ASIC2: variants seen among roughly 807,000 people sequenced by gnomAD.
ASIC2 encodes the protein acid sensing ion channel subunit 2, also known as acid-sensing ion channel 2.
ASIC2 carries 25 observed loss-of-function variants against 57.3 expected under a neutral mutation model. The observed-to-expected ratio is 0.44, with a 90% CI of 0.32 to 0.61. ASIC2 has a LOEUF of 0.61. ASIC2 is among the 20% of genes least tolerant of loss of function. The pLI, the probability that ASIC2 is intolerant of heterozygous loss-of-function variation, is 0.06. For synonymous variants in ASIC2, 319 were observed against 307.5 expected (o/e 1.04, Z -0.39); for missense variants, 641 against 738.1 (o/e 0.87, Z 1.52).
intron 1 of ASIC2, among the ~76,000 whole-genome samples, chr17:33,456,051 A>AG (rs1250550759): frequency 6.6e-6 from 1 of 152,190 alleles, no homozygotes; most frequent in African/African-American, 2.4e-5. Context: ...CTTCCGGTCC[A>AG]GGGCTCTCTA....
chr17:33,348,847 A>T (rs1847449655), intron 1 of ASIC2, among the ~76,000 whole-genome samples: 1 of 152,126 alleles, frequency 6.6e-6, no homozygotes, highest in Non-Finnish European at 1.5e-5. Flanking sequence ...CACCTAACCT[A>T]GAGCAGGGAT....
At chr17:34,146,235 AAC>A (rs1483569904) in intron 1 of ASIC2, among the ~76,000 whole-genome samples, 2 of 152,198 alleles carry the variant, frequency 1.3e-5, no homozygotes, top group Admixed American at 6.5e-5. Context: ...TTGAGTTGAA[AAC>A]ACAGATTTTG....
At chr17:33,662,901 A>T (rs1040025011) in intron 1 of ASIC2, among the ~76,000 whole-genome samples, 1 of 152,158 alleles carries the variant, frequency 6.6e-6, no homozygotes, top group Non-Finnish European at 1.5e-5. Context: ...AGAGTTATAA[A>T]GTTAAAGAAA....
At chr17:33,608,626 G>A (rs1905296857) in intron 1 of ASIC2, among the ~76,000 whole-genome samples, 1 of 151,978 alleles carries the variant, frequency 6.6e-6, no homozygotes. Context: ...GGGAACTCTG[G>A]GATTCTGTTT....
intron 1 of ASIC2, among the ~76,000 whole-genome samples, chr17:33,790,103 G>A (rs1187626190): frequency 1.3e-5 from 2 of 152,122 alleles, no homozygotes; most frequent in African/African-American, 2.4e-5. Context: ...TTTCAGCAAC[G>A]TATAATACTA....
chr17:33,609,054 C>T (rs1905309438), intron 1 of ASIC2, among the ~76,000 whole-genome samples: 1 of 152,158 alleles, frequency 6.6e-6, no homozygotes, highest in Non-Finnish European at 1.5e-5. Flanking sequence ...TCACAAATAT[C>T]ATCCTGCCAC....
At chr17:34,013,250 C>T (rs1906835749) in intron 1 of ASIC2, among the ~76,000 whole-genome samples, 1 of 152,108 alleles carries the variant, frequency 6.6e-6, no homozygotes, top group South Asian at 2.1e-4. Flanking sequence ...GATGTTGTCC[C>T]TGGGGTTGGG....
At chr17:34,144,181 G>A (rs1912352283) in intron 1 of ASIC2, among the ~76,000 whole-genome samples, 1 of 152,182 alleles carries the variant, frequency 6.6e-6, no homozygotes, top group Middle Eastern at 3.2e-3. Flanking sequence ...CTTGGCTGTT[G>A]TGAAGACCAA....
intron 6 of ASIC2, 135 bp downstream of exon 6, chr17:33,023,726 G>C (rs1268979987): frequency 1.7e-6 from 2 of 1,192,864 alleles, no homozygotes; most frequent in Non-Finnish European, 2.4e-6. Context: ...CGCAGAGCGT[G>C]ACACACAGAG....
chr17:33,507,727 C>T lies in ASIC2; in HGVS notation c.556-395660G>A, dbSNP rs544689992. On this transcript the variant is annotated intron_variant, in intron 1 of 9. Transcript: ENST00000359872. ...GACTAGCTTGGCTAACGTGGTGAAACCCCATCTCTACTAAAAATACAAAAA... is the reference window on the plus strand; with the variant it reads ...GACTAGCTTGGCTAACGTGGTGAAATCCCATCTCTACTAAAAATACAAAAA... 2.0e-3 allele frequency among the ~76,000 whole-genome samples: 309 copies of T among 152,146 alleles called. 2 individuals are homozygous for T. The highest frequency in any genetic ancestry group is 3.0e-3 in the Admixed American group (46 of 15,276).
intron 1 of ASIC2, among the ~76,000 whole-genome samples, chr17:33,502,305 G>A (rs1914124244): frequency 6.6e-6 from 1 of 152,182 alleles, no homozygotes; most frequent in African/African-American, 2.4e-5. Context: ...GGGACACTAG[G>A]GAGATGTTCC....
At chr17:33,602,989 G>C (rs1162269757) in intron 1 of ASIC2, among the ~76,000 whole-genome samples, 2 of 152,182 alleles carry the variant, frequency 1.3e-5, no homozygotes, top group Admixed American at 6.5e-5. Context: ...CTTATGCAGA[G>C]AGGGAGCTGG....
chr17:33,272,930 C>A (rs1427390938), intron 1 of ASIC2, among the ~76,000 whole-genome samples: 1 of 152,176 alleles, frequency 6.6e-6, no homozygotes, highest in African/African-American at 2.4e-5. Flanking sequence ...TGCAAAGTAT[C>A]TTTTTCTTTT....
intron 1 of ASIC2, among the ~76,000 whole-genome samples, chr17:33,126,992 C>T (rs927756438): frequency 1.3e-5 from 2 of 149,470 alleles, no homozygotes; most frequent in Admixed American, 6.6e-5. Flanking sequence ...CTCAGCCTCC[C>T]GAGTAGCTGG....
intron 1 of ASIC2, among the ~76,000 whole-genome samples, chr17:33,535,443 T>G (rs1448817940): frequency 1.3e-5 from 2 of 151,758 alleles, no homozygotes; most frequent in Non-Finnish European, 2.9e-5. Flanking sequence ...CGGCTAAGGT[T>G]TTTTTTTGTA....
chr17:33,565,795 C>T (rs6505358), intron 1 of ASIC2: 81,139 of 152,148 alleles, frequency 0.53, 23,034 homozygotes, highest in African/African-American at 0.74. Flanking sequence ...CTCCTCTGGA[C>T]GCTGTCCTGT....
chr17:33,014,998 A>G lies in ASIC2; in HGVS notation c.1591-932T>C, dbSNP rs532950198. 2.0e-5 allele frequency among the ~76,000 whole-genome samples: 3 copies of G among 152,326 alleles called. No individual in the cohort carries two copies. The East Asian group carries it at 5.8e-4, about 29-fold the overall frequency. ...CCAGGAAGCCGGAGCCTTAGGATCC[A>G]GCCAGGCCAGCTGATGCCAGACCGT... On this transcript the variant is annotated intron_variant, in intron 9 of 9. Coordinates refer to ENST00000225823, the MANE Select transcript of ASIC2 (RefSeq NM_183377.2).
chr17:33,425,414 G>C (rs1911183823), intron 1 of ASIC2, among the ~76,000 whole-genome samples: 1 of 152,256 alleles, frequency 6.6e-6, no homozygotes, highest in South Asian at 2.1e-4. Context: ...TTATGAATTA[G>C]AGAGATGTAC....
At position 33,923,416 on chromosome 17, in the gene ASIC2, CA is replaced by C. The variant is rs570545263; in HGVS notation, c.555+232561del. ...TATTCATCACCCAGTCCAAGGGTCT[CA>C]TTTTACAGATGGAAATAAAATGACT... On this transcript the variant is annotated intron_variant, in intron 1 of 9. Coordinates refer to the ASIC2 transcript ENST00000359872. Among the ~76,000 whole-genome samples, 247 of 152,256 alleles carry C rather than the reference CA, an allele frequency of 1.6e-3. 2 individuals are homozygous for C. Among genetic ancestry groups the C allele is most frequent in the South Asian group, 6.2e-3 (30 of 4,820 alleles).
Sources: gnomAD v4.1 joint callset for allele counts (sites outside exome capture counted in the v4.1 genomes callset) on GRCh38, gnomAD v4.1.1 for gene constraint, MANE v1.5 for transcripts, NCBI Gene and HGNC (gene_info 2026-07-23, HGNC 2026-07-21) for gene names.